The following CMIP variants were observed in gnomAD, a reference collection of about 807,000 sequenced individuals.
The protein encoded by CMIP is C-Maf-inducing protein.
In CMIP, 13 loss-of-function variants were observed where a neutral mutation model predicts 97.3. That is an observed-to-expected ratio of 0.13 (90% CI 0.09 to 0.21). The LOEUF is 0.21. Among genes scored for constraint, CMIP ranks in the 10% least tolerant of loss-of-function variants. The pLI is 1.00. For synonymous variants in CMIP, 538 were observed against 436.3 expected, an observed-to-expected ratio of 1.23 and a Z score of -2.91; for missense variants, 847 against 1,024.9, an observed-to-expected ratio of 0.83 and a Z score of 2.37.
chr16:81,682,782 A>C (rs1001251474), intron 10 of CMIP, among the ~76,000 whole-genome samples: 6 of 152,194 alleles, frequency 3.9e-5, no homozygotes, highest in African/African-American at 1.4e-4. Flanking sequence ...TTCCCATAGG[A>C]AGGCCCCTGC....
chr16:81,626,879 ATGTG>A (rs139978377), intron 3 of CMIP, among the ~76,000 whole-genome samples: 8,231 of 102,856 alleles, frequency 0.08, 527 homozygotes, highest in East Asian at 0.33. Context: ...TAACTATTTT[ATGTG>A]TGTGTGTGTG....
intron 1 of CMIP, among the ~76,000 whole-genome samples, chr16:81,570,730 G>A (rs918415262): frequency 3.9e-5 from 6 of 152,094 alleles, no homozygotes; most frequent in Non-Finnish European, 5.9e-5. Flanking sequence ...AGGAGACGCC[G>A]GTGCTCTGTC....
chr16:81,459,402 G>A (rs189194917), intron 1 of CMIP, among the ~76,000 whole-genome samples: 4 of 152,162 alleles, frequency 2.6e-5, no homozygotes, highest in African/African-American at 7.2e-5. Flanking sequence ...CCGTGACCTC[G>A]CTCCGTGACC....
At chr16:81,699,541 G>T in intron 14 of CMIP, 144 bp from the exon 15 acceptor site, 1 of 602,978 alleles carries the variant, frequency 1.7e-6, no homozygotes, top group East Asian at 3.0e-5. Context: ...ATCCCCCTGG[G>T]GCCTGGTGAT....
chr16:81,511,235 A>G (rs1440858680), intron 1 of CMIP, among the ~76,000 whole-genome samples: 1 of 152,236 alleles, frequency 6.6e-6, no homozygotes, highest in African/African-American at 2.4e-5. Flanking sequence ...TCTCTAAAAA[A>G]TAAAGTATCT....
At chr16:81,644,632 C>G (rs994006197) in intron 3 of CMIP, among the ~76,000 whole-genome samples, 1 of 152,222 alleles carries the variant, frequency 6.6e-6, no homozygotes, top group African/African-American at 2.4e-5. Context: ...TCCAGTCCTC[C>G]CGGAAGCCAT....
chr16:81,509,144 G>C (rs1157447170), intron 1 of CMIP, among the ~76,000 whole-genome samples: 1 of 152,208 alleles, frequency 6.6e-6, no homozygotes, highest in Non-Finnish European at 1.5e-5. Flanking sequence ...TCATTCAGGT[G>C]TCTGCAGGTG....
chr16:81,504,557 C>T (rs371987725), intron 1 of CMIP, among the ~76,000 whole-genome samples: 7 of 144,988 alleles, frequency 4.8e-5, no homozygotes, highest in South Asian at 2.2e-4. Flanking sequence ...GCAGGAGAAT[C>T]GCTTGAACCC....
At chr16:81,565,985 C>G (rs1197006582) in intron 1 of CMIP, among the ~76,000 whole-genome samples, 1 of 152,166 alleles carries the variant, frequency 6.6e-6, no homozygotes, top group African/African-American at 2.4e-5. Flanking sequence ...CATAGCCAGC[C>G]CGGAGACTCC....
At chr16:81,495,042 G>A (rs976696679) in intron 1 of CMIP, among the ~76,000 whole-genome samples, 3 of 152,134 alleles carry the variant, frequency 2.0e-5, no homozygotes, top group African/African-American at 7.2e-5. Context: ...CTTACACTTG[G>A]GGACTGTAAG....
At chr16:81,548,290 C>T (rs1315396472) in intron 1 of CMIP, among the ~76,000 whole-genome samples, 1 of 152,198 alleles carries the variant, frequency 6.6e-6, no homozygotes, top group Non-Finnish European at 1.5e-5. Flanking sequence ...CAGGCCACCA[C>T]TCCTGGCTAA....
chr16:81,642,330 G>C (rs1260213009), intron 3 of CMIP, among the ~76,000 whole-genome samples: 1 of 152,132 alleles, frequency 6.6e-6, no homozygotes, highest in Non-Finnish European at 1.5e-5. Flanking sequence ...CCTCCATAGA[G>C]ACAGTGCCCC....
At chr16:81,571,785 G>C (rs561979179) in intron 1 of CMIP, among the ~76,000 whole-genome samples, 5 of 152,054 alleles carry the variant, frequency 3.3e-5, no homozygotes, top group Admixed American at 6.6e-5. Flanking sequence ...ACCCTGCCTC[G>C]ACCGTGCGCG....
At chr16:81,610,295 A>C in intron 2 of CMIP, 1 of 985,458 alleles carries the variant, frequency 1.0e-6, no homozygotes, top group Non-Finnish European at 1.2e-6. Context: ...GCTTCAGGAC[A>C]GAGCTGCCGC....
At chr16:81,535,980 C>G (rs2090335271) in intron 1 of CMIP, among the ~76,000 whole-genome samples, 2 of 152,122 alleles carry the variant, frequency 1.3e-5, no homozygotes, top group South Asian at 4.1e-4. Context: ...CCTGAGGGCC[C>G]AGGGAACCTC....
intron 1 of CMIP, among the ~76,000 whole-genome samples, chr16:81,485,909 G>C (rs1225323709): frequency 6.6e-6 from 1 of 152,202 alleles, no homozygotes; most frequent in Non-Finnish European, 1.5e-5. Context: ...GGAGTACCCA[G>C]CTCTCCCCTG....
At chr16:81,570,036 G>A (rs1479027536) in intron 1 of CMIP, among the ~76,000 whole-genome samples, 1 of 152,128 alleles carries the variant, frequency 6.6e-6, no homozygotes, top group Non-Finnish European at 1.5e-5. Context: ...CTGTCCACCA[G>A]GCCTGTGCTA....
chr16:81,597,457 G>T (rs993465330), intron 1 of CMIP, among the ~76,000 whole-genome samples: 1 of 152,184 alleles, frequency 6.6e-6, no homozygotes, highest in South Asian at 2.1e-4. Context: ...GGTTGGTCAA[G>T]TTGTGCACCT....
chr16:81,665,806 A>C (rs563995518), intron 7 of CMIP: 1 of 152,060 alleles, frequency 6.6e-6, no homozygotes, highest in South Asian at 2.1e-4. Context: ...AGACATCATT[A>C]ATCAATTATA....
Sources: allele counts gnomAD v4.1 joint callset (sites outside exome capture counted in the v4.1 genomes callset), GRCh38; gene constraint gnomAD v4.1.1; transcripts MANE v1.5; gene names NCBI Gene and HGNC (gene_info 2026-07-23, HGNC 2026-07-21).